IFTAP: variants seen among roughly 807,000 people sequenced by gnomAD.
IFTAP encodes intraflagellar transport associated protein.
IFTAP carries 19 observed loss-of-function variants against 19.4 expected under a neutral mutation model. The observed-to-expected ratio is 0.98, with a 90% CI of 0.68 to 1.44. The LOEUF is 1.44. Ranked by LOEUF, IFTAP falls within the 40% of genes most tolerant of loss-of-function variation. The pLI is 0.00. For missense variants in IFTAP, 240 were observed against 253.6 expected (o/e 0.95, Z 0.36); for synonymous variants, 85 against 83.5 (o/e 1.02, Z -0.10).
At chr11:36,614,898 A>G (rs1361305429) in intron 2 of IFTAP, among the ~76,000 whole-genome samples, 2 of 140,174 alleles carry the variant, frequency 1.4e-5, no homozygotes, top group Non-Finnish European at 3.1e-5. Flanking sequence ...TAGTTTCTTT[A>G]GCTGTGCAGA....
At chr11:36,602,488 G>A (rs933176525) in intron 1 of IFTAP, among the ~76,000 whole-genome samples, 2 of 152,162 alleles carry the variant, frequency 1.3e-5, no homozygotes, top group African/African-American at 4.8e-5. Context: ...TCTTATATGA[G>A]GGTGGGATTA....
intron 3 of IFTAP, 103 bp from the exon 4 acceptor site, chr11:36,635,948 C>G: frequency 2.7e-6 from 2 of 749,168 alleles, no homozygotes; most frequent in South Asian, 3.0e-5. Context: ...AAAGTGGATT[C>G]AGCTGCTCAG....
In IFTAP at chr11:36,650,726, C is replaced by T. The variant is rs533882018; in HGVS notation, c.498+2571C>T. Among the ~76,000 whole-genome samples the T allele has an allele frequency of 5.9e-4, 90 of 151,984 alleles. 1 individual carries two copies. Among genetic ancestry groups the T allele is most frequent in the Non-Finnish European group, 1.0e-3 (71 of 67,980 alleles). On this transcript the variant is annotated intron_variant, in intron 5 of 5. Transcript: ENST00000334307. ...CCCCCTTCCCCCACCCCACAACAGGCCCTGGTGTGTGATGTTCCCCTTCCT... is the reference window on the plus strand; with the variant it reads ...CCCCCTTCCCCCACCCCACAACAGGTCCTGGTGTGTGATGTTCCCCTTCCT...
chr11:36,659,231 C>G lies in IFTAP; in HGVS notation c.*45C>G. ...TGTGTGTGCTTATTTTAATTTTGTT[C>G]TTATTCTAGCAACATTAGAATAAAA... On this transcript the variant is annotated 3_prime_UTR_variant, in exon 6 of 6. Coordinates refer to ENST00000334307, the MANE Select transcript of IFTAP (RefSeq NM_138787.4). 1 of 1,444,358 alleles carries G rather than the reference C, an allele frequency of 6.9e-7. No homozygotes were observed. The highest frequency in any genetic ancestry group is 9.2e-7 in the Non-Finnish European group (1 of 1,086,336). 89.5% of individuals were successfully genotyped at this position (1,444,358 alleles called of 1,614,324 possible). A position where few individuals can be genotyped will look rare whatever the true frequency, so the allele number is the denominator to read the frequency against.
At chr11:36,606,507 ATAAAAT>A (rs1851699021) in intron 1 of IFTAP, among the ~76,000 whole-genome samples, 1 of 152,216 alleles carries the variant, frequency 6.6e-6, no homozygotes, top group Non-Finnish European at 1.5e-5. Context: ...AACCACACAA[ATAAAAT>A]TAAAGGCCTA....
At chr11:36,614,229 C>T in intron 2 of IFTAP, among the ~76,000 whole-genome samples, 2 of 143,882 alleles carry the variant, frequency 1.4e-5, no homozygotes, top group African/African-American at 2.7e-5. Context: ...TCATCCATGT[C>T]CCTACAAAGG....
At chr11:36,650,591 T>C (rs1853678365) in intron 5 of IFTAP, among the ~76,000 whole-genome samples, 1 of 151,590 alleles carries the variant, frequency 6.6e-6, no homozygotes, top group Admixed American at 6.6e-5. Flanking sequence ...ATACTTTAAG[T>C]TCTAGGGTAC....
At chr11:36,642,429 C>T (rs185585265) in intron 4 of IFTAP, among the ~76,000 whole-genome samples, 25 of 152,190 alleles carry the variant, frequency 1.6e-4, no homozygotes, top group East Asian at 1.9e-4. Flanking sequence ...ACCAGAGGTA[C>T]GAGGAGGAGC....
chr11:36,622,083 A>ATTTTTT lies in IFTAP; in HGVS notation c.137-11200_137-11195dup, dbSNP rs199873596. Reference sequence around the variant, plus strand: ...TTATTTTACTTTAAGCTCTTGTTCTATTTTTTATTTTTTTTTTTGTGAAGG... The same window carrying ATTTTTT: ...TTATTTTACTTTAAGCTCTTGTTCTATTTTTTTTTTTTATTTTTTTTTTTGTGAAGG... On this transcript the variant is annotated intron_variant, in intron 2 of 5. Transcript: ENST00000334307. Among the ~76,000 whole-genome samples, 838 of 138,020 alleles carry ATTTTTT rather than the reference A, an allele frequency of 6.1e-3. 25 individuals are homozygous for ATTTTTT. Among genetic ancestry groups the ATTTTTT allele is most frequent in the African/African-American group, 0.02 (722 of 35,620 alleles). 90.5% of individuals were successfully genotyped at this position (138,020 alleles called of 152,430 possible). A position where few individuals can be genotyped will look rare whatever the true frequency, so the allele number is the denominator to read the frequency against.
rs555678444 is a variant in IFTAP, at chr11:36,643,854, G to A, written c.359-4162G>A. Among the ~76,000 whole-genome samples the A allele has an allele frequency of 3.0e-3, 453 of 152,158 alleles. 5 individuals carry two copies. Among genetic ancestry groups the A allele is most frequent in the African/African-American group, 0.01 (428 of 41,504 alleles). ...CCTTGTACAAAAATTAATTCAAGAT[G>A]GATTAAAGACTTAAATATTAGACCT... is the stretch of plus-strand genomic sequence containing the variant. On this transcript the variant is annotated intron_variant, in intron 4 of 5. Transcript: ENST00000334307.
rs545271726 is a variant in IFTAP at position 36,611,006 on chromosome 11, G to A, written c.136+767G>A. Among the ~76,000 whole-genome samples the A allele has an allele frequency of 5.3e-5, 8 of 151,892 alleles. No individual in the cohort carries two copies. In the South Asian group the frequency reaches 1.7e-3, roughly 32 times the overall value. On this transcript the variant is annotated intron_variant, in intron 2 of 5. Coordinates refer to ENST00000334307, the MANE Select transcript of IFTAP (RefSeq NM_138787.4). ...ATTTTACACGAAAATCTTGATTTGT[G>A]TTTTTTTTGGGGGGATCCAGTGAGA... is the stretch of plus-strand genomic sequence containing the variant.
At position 36,625,906 on chromosome 11, in the gene IFTAP, G is replaced by A. The variant is rs543115369; in HGVS notation, c.137-7378G>A. ...AGATATTTGAGGCCCAGGGAACAGCGAGTGCAAAGGCCAGGTCATAGCAGC... is the reference window on the plus strand; with the variant it reads ...AGATATTTGAGGCCCAGGGAACAGCAAGTGCAAAGGCCAGGTCATAGCAGC... On this transcript the variant is annotated intron_variant, in intron 2 of 5. Coordinates refer to ENST00000334307, the MANE Select transcript of IFTAP (RefSeq NM_138787.4). 3.3e-5 allele frequency among the ~76,000 whole-genome samples: 5 copies of A among 151,636 alleles called. No homozygotes were observed. The East Asian group carries it at 5.8e-4, about 18-fold the overall frequency.
At chr11:36,650,971 C>T (rs1334585600) in intron 5 of IFTAP, among the ~76,000 whole-genome samples, 3 of 152,078 alleles carry the variant, frequency 2.0e-5, no homozygotes, top group Admixed American at 2.0e-4. Flanking sequence ...GACATTTGGG[C>T]TGGTTCCAAC....
intron 2 of IFTAP, among the ~76,000 whole-genome samples, chr11:36,625,727 G>A (rs1852483997): frequency 1.3e-5 from 2 of 152,164 alleles, no homozygotes; most frequent in Admixed American, 1.3e-4. Flanking sequence ...TTCTAGAAGG[G>A]GGAAACTGAA....
At chr11:36,614,489 G>A (rs1193971521) in intron 2 of IFTAP, among the ~76,000 whole-genome samples, 1 of 148,114 alleles carries the variant, frequency 6.8e-6, no homozygotes, top group African/African-American at 2.5e-5. Context: ...CTGAGGAATC[G>A]CCACACTGAC....
chr11:36,636,265 A>G, intron 4 of IFTAP, 148 bp downstream of exon 4: 1 of 631,670 alleles, frequency 1.6e-6, no homozygotes, highest in Non-Finnish European at 2.7e-6. Context: ...TTTTTTCAGT[A>G]ACAAAAATTT....
chr11:36,606,288 A>C (rs1043618194), intron 1 of IFTAP, among the ~76,000 whole-genome samples: 6 of 152,098 alleles, frequency 3.9e-5, no homozygotes, highest in African/African-American at 1.4e-4. Flanking sequence ...GCGAAACCCC[A>C]TCTCTACTAA....
At chr11:36,638,333 A>AT (rs895689774) in intron 4 of IFTAP, among the ~76,000 whole-genome samples, 7 of 152,144 alleles carry the variant, frequency 4.6e-5, no homozygotes, top group African/African-American at 1.7e-4. Flanking sequence ...TACTAGTATG[A>AT]TTTTTCCAGA....
chr11:36,655,523 T>TTCC (rs1853940293), intron 5 of IFTAP, among the ~76,000 whole-genome samples: 1 of 152,178 alleles, frequency 6.6e-6, no homozygotes, highest in Non-Finnish European at 1.5e-5. Context: ...GTGACTAGAA[T>TTCC]TTAATAGGAA....
Sources: allele counts gnomAD v4.1 joint callset (sites outside exome capture counted in the v4.1 genomes callset), GRCh38; gene constraint gnomAD v4.1.1; transcripts MANE v1.5; gene names NCBI Gene and HGNC (gene_info 2026-07-23, HGNC 2026-07-21).